The following MTMR4 variants were observed in gnomAD, a reference collection of about 807,000 sequenced individuals.
MTMR4 encodes phosphatidylinositol-3,5-bisphosphate 3-phosphatase MTMR4.
A neutral mutation model predicts 125.5 loss-of-function variants in MTMR4; 30 were observed. The ratio of observed to expected loss-of-function variants is 0.24; its 90% CI spans 0.18 to 0.32. The LOEUF (loss-of-function observed/expected upper bound fraction) is 0.32, where lower values mean the gene tolerates loss of function less well. Among genes scored for constraint, MTMR4 ranks in the 10% least tolerant of loss-of-function variants. The pLI, the probability that MTMR4 is intolerant of heterozygous loss-of-function variation, is 1.00. For missense variants in MTMR4, 1,039 were observed against 1,511.5 expected (o/e 0.69, Z 5.18); for synonymous variants, 498 against 564.5 (o/e 0.88, Z 1.67).
chr17:58,507,019 C>A, intron 8 of MTMR4, 104 bp downstream of exon 8: 1 of 1,561,958 alleles, frequency 6.4e-7, no homozygotes. Context: ...CCCAGCACCC[C>A]GTGTGTTGTC....
At chr17:58,499,471 C>T (rs1975561707) in intron 14 of MTMR4, among the ~76,000 whole-genome samples, 1 of 152,066 alleles carries the variant, frequency 6.6e-6, no homozygotes, top group African/African-American at 2.4e-5. Context: ...CACTTGAACC[C>T]GGTGGGCGGA....
In MTMR4 at chr17:58,490,832, G is replaced by C. The variant is rs1440903509; in HGVS notation, c.*831C>G. 6.6e-6 allele frequency: 1 copy of C among 152,640 alleles called. No homozygotes were observed. The highest frequency in any genetic ancestry group is 2.4e-5 in the African/African-American group (1 of 41,446). 9.5% of individuals were successfully genotyped at this position (152,640 alleles called of 1,614,324 possible). On this transcript the variant is annotated 3_prime_UTR_variant, in exon 18 of 18. Coordinates refer to ENST00000682306, the MANE Select transcript of MTMR4 (RefSeq NM_001378067.1). ...GGAAAAGTCAGGTGCAAAGAGTAGG[G>C]CACAATCAGCAGATATTTCACAAGG... is the stretch of plus-strand genomic sequence containing the variant.
At chr17:58,507,793 A>G (rs188700174) in intron 7 of MTMR4, among the ~76,000 whole-genome samples, 2 of 152,278 alleles carry the variant, frequency 1.3e-5, no homozygotes, top group African/African-American at 4.8e-5. Context: ...ATAGCCCTTT[A>G]AAAATGTAAA....
rs1975573004 is a variant in MTMR4 at position 58,499,808 on chromosome 17, T to G, written c.1854-3478A>C. On this transcript the variant is annotated intron_variant, in intron 14 of 17. Coordinates refer to ENST00000682306, the MANE Select transcript of MTMR4 (RefSeq NM_001378067.1). ...CGGCTAATTTTTTTTTTTTTTGTAT[T>G]TTTAGTAGAGACGGGGTTTCACCGT... Among the ~76,000 whole-genome samples, 11 of 150,370 alleles carry G rather than the reference T, an allele frequency of 7.3e-5. No homozygotes were observed. In the South Asian group the frequency reaches 2.3e-3, roughly 32 times the overall value.
At position 58,508,728 on chromosome 17, in the gene MTMR4, C is replaced by G. The variant is rs1420753302; in HGVS notation, c.449G>C (p.Cys150Ser). ...CTGGTCCTCCTCGGTCAGCCCCAGG[C>G]ACCAGGCATGGTAGGCAAAGGCAAA... ...DLFAFAYHAW[C>S]LGLTEEDQHT... The change falls in exon 5 of 18, where the codon TGC becomes TCC. Residue 150 changes from cysteine (C) to serine (S), a missense_variant. Cys to Ser is a moderately radical substitution (Grantham distance 112). Around this residue, in one of 6 missense-constraint regions of MTMR4, gnomAD observed 202 missense variants for 311.9 expected, o/e 0.65. Coordinates refer to ENST00000682306, the MANE Select transcript of MTMR4 (RefSeq NM_001378067.1). This position sits in a 1 kb window ranked among gnomAD's most constrained non-coding sequence, Gnocchi z 4.8. 2 of 1,614,216 alleles carry G rather than the reference C, an allele frequency of 1.2e-6. No individual in the cohort carries two copies. Among genetic ancestry groups the G allele is most frequent in the Admixed American group, 3.3e-5 (2 of 60,028 alleles).
Position 58,504,768 on chromosome 17 carries a change from C to T in MTMR4, c.1341+11G>A. On this transcript the variant is annotated intron_variant, in intron 11 of 17. Coordinates refer to ENST00000682306, the MANE Select transcript of MTMR4 (RefSeq NM_001378067.1). The surrounding 1 kb of genome is among the most constrained non-coding windows in gnomAD (Gnocchi z 7.1). ...TTCCTTCTGGTTTTCCCACCGAATT[C>T]CTCTCAATACCTCCAACGTCCTGTA... The T allele has an allele frequency of 1.9e-6, 3 of 1,586,930 alleles. No homozygotes were observed. Among genetic ancestry groups the T allele is most frequent in the Non-Finnish European group, 2.6e-6 (3 of 1,163,442 alleles).
Position 58,495,124 on chromosome 17 carries a change from A to G in MTMR4, c.3060T>C (p.Pro1020=). ...GGAGTCCATCATCATCCAAATACAGAGGAGGCACTGGAGAAGGGCAGTTCA... is the reference window on the plus strand; with the variant it reads ...GGAGTCCATCATCATCCAAATACAGGGGAGGCACTGGAGAAGGGCAGTTCA... ...VPLNCPSPVP[P]LYLDDDGLPF... The change falls in exon 15 of 18, where the codon CCT becomes CCC. Residue 1020 remains proline, a synonymous_variant. Transcript: ENST00000682306. 4 of 1,614,220 alleles carry G rather than the reference A, an allele frequency of 2.5e-6. No homozygotes were observed. Among genetic ancestry groups the G allele is most frequent in the Non-Finnish European group, 2.5e-6 (3 of 1,180,038 alleles).
rs745534891 is a variant in MTMR4, at chr17:58,495,488, A to G, written c.2696T>C (p.Leu899Ser). ...AGAAATTGGCTTCCGGACCAATTCCAATGGCATTTTCCCAAAGCGAGGATT... is the reference window on the plus strand; with the variant it reads ...AGAAATTGGCTTCCGGACCAATTCCGATGGCATTTTCCCAAAGCGAGGATT... ...LENPRFGKMP[L>S]ELVRKPISQS... is the part of the protein sequence containing the mutation. The change falls in exon 15 of 18, where the codon TTG becomes TCG. Residue 899 changes from leucine to serine, a missense_variant. Coordinates refer to ENST00000682306, the MANE Select transcript of MTMR4 (RefSeq NM_001378067.1). The G allele has an allele frequency of 8.1e-6, 13 of 1,614,268 alleles. No homozygotes were observed. In the Admixed American group the frequency reaches 2.2e-4, roughly 27 times the overall value.
Position 58,514,546 on chromosome 17 carries a change from G to C in MTMR4, c.-139C>G, listed in dbSNP as rs1050558006. ...CCAAGAGGCTAGGGCGCTGGTGGCC[G>C]GGCCTCCGCGCGGCTCCCGCGCGCC... On this transcript the variant is annotated 5_prime_UTR_variant, in exon 1 of 18. Coordinates refer to ENST00000682306, the MANE Select transcript of MTMR4 (RefSeq NM_001378067.1). The C allele has an allele frequency of 6.1e-6, 6 of 985,016 alleles. No individual in the cohort carries two copies. In the African/African-American group the frequency reaches 7.0e-5, roughly 11 times the overall value. The allele number at this position is 985,016 out of a possible 1,614,324, so 61.0% of individuals were successfully genotyped here.
At chr17:58,496,472 C>T (rs1031056880) in intron 14 of MTMR4, 142 bp from the exon 15 acceptor site, 1 of 686,890 alleles carries the variant, frequency 1.5e-6, no homozygotes, top group Non-Finnish European at 2.4e-6. Flanking sequence ...AAATAAGGAC[C>T]CTTAAGATCA....
Position 58,508,683 on chromosome 17 carries a change from G to A in MTMR4, c.494C>T (p.Pro165Leu). 6.2e-7 allele frequency: 1 copy of A among 1,614,098 alleles called. No individual in the cohort carries two copies. The highest frequency in any genetic ancestry group is 2.2e-5 in the East Asian group (1 of 44,882). ...EEDQHTHLCQPGEHIRCRQEA... is the reference protein window; with the variant it reads ...EEDQHTHLCQLGEHIRCRQEA... Reference sequence around the variant, plus strand: ...CAAAGAAAATAGACTGGCCTCACCTGGCTGACATAGGTGAGTGTGCTGGTC... The same window carrying A: ...CAAAGAAAATAGACTGGCCTCACCTAGCTGACATAGGTGAGTGTGCTGGTC... Residue 165 changes from proline (P) to leucine (L), a missense_variant and splice_region_variant, in exon 5 of 18, where the codon CCA (proline) becomes CTA (leucine). Transcript: ENST00000682306. The surrounding 1 kb of genome is among the most constrained non-coding windows in gnomAD (Gnocchi z 4.8).
At position 58,512,519 on chromosome 17, in the gene MTMR4, A is replaced by G. The variant is rs1387526608; in HGVS notation, c.136-13T>C. 6.3e-7 allele frequency: 1 copy of G among 1,598,892 alleles called. No individual in the cohort carries two copies. The highest frequency in any genetic ancestry group is 1.7e-4 in the Middle Eastern group (1 of 5,994). ...CTGTGAAGGGGACCTGTCAAGGGGC[A>G]GAGAAACCTTCAGTCCAGAAGTGAG... On this transcript the variant is annotated splice_polypyrimidine_tract_variant and intron_variant, in intron 2 of 17. Coordinates refer to ENST00000682306, the MANE Select transcript of MTMR4 (RefSeq NM_001378067.1). This position sits in a 1 kb window ranked among gnomAD's most constrained non-coding sequence, Gnocchi z 4.1.
chr17:58,512,526 C>A lies in MTMR4; in HGVS notation c.136-20G>T. On this transcript the variant is annotated intron_variant, in intron 2 of 17. Transcript: ENST00000682306. This position sits in a 1 kb window ranked among gnomAD's most constrained non-coding sequence, Gnocchi z 4.1. Reference sequence around the variant, plus strand: ...GGGGACCTGTCAAGGGGCAGAGAAACCTTCAGTCCAGAAGTGAGTGACCAC... The same window carrying A: ...GGGGACCTGTCAAGGGGCAGAGAAAACTTCAGTCCAGAAGTGAGTGACCAC... 1 of 1,586,788 alleles carries A rather than the reference C, an allele frequency of 6.3e-7. No individual in the cohort carries two copies. Among genetic ancestry groups the A allele is most frequent in the Non-Finnish European group, 8.7e-7 (1 of 1,155,408 alleles).
chr17:58,502,953 A>G (rs1222803158), intron 14 of MTMR4, among the ~76,000 whole-genome samples: 1 of 152,220 alleles, frequency 6.6e-6, no homozygotes, highest in Non-Finnish European at 1.5e-5. Context: ...TTGAGCCAGA[A>G]GATACCTAAT....
chr17:58,517,244 GC>G (rs1446148124), upstream of MTMR4, among the ~76,000 whole-genome samples: 1 of 152,244 alleles, frequency 6.6e-6, no homozygotes, highest in Admixed American at 6.5e-5. Flanking sequence ...ACAGAATCAG[GC>G]CAATCCAGGC....
Position 58,504,108 on chromosome 17 carries a change from A to T in MTMR4, c.1640T>A (p.Leu547His). ...IYKRTCSVWA[L>H]LRAGNKNFHN... Reference sequence around the variant, plus strand: ...AAAGTTTTTATTGCCAGCTCGAAGGAGCGCCCACACAGAGCAGGTCCGCTT... The same window carrying T: ...AAAGTTTTTATTGCCAGCTCGAAGGTGCGCCCACACAGAGCAGGTCCGCTT... The change falls in exon 13 of 18, where the codon CTC becomes CAC. Residue 547 changes from leucine to histidine, a missense_variant. By Grantham distance (99) the Leu-to-His change is moderately conservative. This residue lies in a region of MTMR4 where 619 missense variants were observed against 714.5 expected (regional missense o/e 0.87). Coordinates refer to ENST00000682306, the MANE Select transcript of MTMR4 (RefSeq NM_001378067.1). The surrounding 1 kb of genome is among the most constrained non-coding windows in gnomAD (Gnocchi z 7.1). The T allele has an allele frequency of 6.3e-7, 1 of 1,597,512 alleles. No homozygotes were observed. The highest frequency in any genetic ancestry group is 8.5e-7 in the Non-Finnish European group (1 of 1,173,308).
At position 58,512,987 on chromosome 17, in the gene MTMR4, A is replaced by T; in HGVS notation, c.46-46T>A. 1 of 1,408,894 alleles carries T rather than the reference A, an allele frequency of 7.1e-7. No individual in the cohort carries two copies. The allele number at this position is 1,408,894 out of a possible 1,614,324, so 87.3% of individuals were successfully genotyped here. A position where few individuals can be genotyped will look rare whatever the true frequency, so the allele number is the denominator to read the frequency against. On this transcript the variant is annotated intron_variant, in intron 1 of 17. Coordinates refer to ENST00000682306, the MANE Select transcript of MTMR4 (RefSeq NM_001378067.1). The surrounding 1 kb of genome is among the most constrained non-coding windows in gnomAD (Gnocchi z 4.1). ...TAAGTCACCAAGCTCCACTTAGCCCATCAGGCTCATTCTGCTCCTCTCCCC... is the reference window on the plus strand; with the variant it reads ...TAAGTCACCAAGCTCCACTTAGCCCTTCAGGCTCATTCTGCTCCTCTCCCC...
upstream of MTMR4, among the ~76,000 whole-genome samples, chr17:58,517,444 C>A (rs1342187903): frequency 6.6e-6 from 1 of 152,274 alleles, no homozygotes; most frequent in Admixed American, 6.5e-5. Flanking sequence ...TACTGCCCAC[C>A]TCCCTGTTCA....
intron 4 of MTMR4, among the ~76,000 whole-genome samples, chr17:58,509,189 C>G (rs1331358567): frequency 6.6e-6 from 1 of 151,888 alleles, no homozygotes; most frequent in Non-Finnish European, 1.5e-5. Flanking sequence ...TCCCATGACT[C>G]CCTAACTCAA....
Sources: gnomAD v4.1 joint callset for allele counts (sites outside exome capture counted in the v4.1 genomes callset) on GRCh38, gnomAD v4.1.1 for gene constraint, gnomAD v4.1.1 regional missense constraint, Gnocchi (gnomAD v3.1) non-coding constraint, MANE v1.5 for transcripts, NCBI Gene and HGNC (gene_info 2026-07-23, HGNC 2026-07-21) for gene names.